SLC25A21: variants seen among roughly 807,000 people sequenced by gnomAD.
SLC25A21 encodes solute carrier family 25 member 21.
SLC25A21 carries 47 observed loss-of-function variants against 43.8 expected under a neutral mutation model. The observed-to-expected ratio is 1.07, with a 90% CI of 0.85 to 1.37. The LOEUF is 1.37. Among genes scored for constraint, SLC25A21 ranks in the 40% most tolerant of loss-of-function variants. SLC25A21 has a pLI of 0.00. For missense variants in SLC25A21, 352 were observed against 350.2 expected, an observed-to-expected ratio of 1.00 and a Z score of -0.04; for synonymous variants, 131 against 121.3, an observed-to-expected ratio of 1.08 and a Z score of -0.52.
intron 3 of SLC25A21, among the ~76,000 whole-genome samples, chr14:36,762,779 T>C (rs1370456314): frequency 6.6e-6 from 1 of 152,154 alleles, no homozygotes; most frequent in Non-Finnish European, 1.5e-5. Context: ...AGGGATTCAT[T>C]GAAGGAATGT....
In SLC25A21 at chr14:36,944,935, C is replaced by G. The variant is rs527860963; in HGVS notation, c.71-69931G>C. Among the ~76,000 whole-genome samples, 66 of 152,200 alleles carry G rather than the reference C, an allele frequency of 4.3e-4. 1 individual carries two copies. The highest frequency in any genetic ancestry group is 1.5e-3 in the African/African-American group (61 of 41,552). On this transcript the variant is annotated intron_variant, in intron 1 of 9. Transcript: ENST00000331299. ...ATATGATGGTTTATCATCATTTTGA[C>G]CTTTTCATAACACTGCTGGTACAGT...
intron 2 of SLC25A21, among the ~76,000 whole-genome samples, chr14:36,844,667 G>A (rs914084050): frequency 6.6e-6 from 1 of 152,150 alleles, no homozygotes; most frequent in Non-Finnish European, 1.5e-5. Flanking sequence ...ACCTCCAAGT[G>A]AGCTGAGACC....
rs1887571534 is a variant in SLC25A21 at position 36,793,682 on chromosome 14, G to T, written c.203+20236C>A. Among the ~76,000 whole-genome samples the T allele has an allele frequency of 2.0e-5, 3 of 152,148 alleles. No homozygotes were observed. The South Asian group carries it at 6.2e-4, about 32-fold the overall frequency. Reference sequence around the variant, plus strand: ...AAAGTTGATTGTGTACATCCCCAGGGTCAAATTCAATCCTCAAAAATCCAC... The same window carrying T: ...AAAGTTGATTGTGTACATCCCCAGGTTCAAATTCAATCCTCAAAAATCCAC... On this transcript the variant is annotated intron_variant, in intron 3 of 9. Transcript: ENST00000331299.
chr14:37,050,879 A>T (rs1389703078), intron 1 of SLC25A21, among the ~76,000 whole-genome samples: 1 of 152,212 alleles, frequency 6.6e-6, no homozygotes, highest in Admixed American at 6.5e-5. Flanking sequence ...CAACAAAAAA[A>T]AGCAGGTTTT....
Position 36,734,513 on chromosome 14 carries a change from T to G in SLC25A21, c.264A>C (p.Ala88=). 6.2e-7 allele frequency: 1 copy of G among 1,607,092 alleles called. No homozygotes were observed. The highest frequency in any genetic ancestry group is 8.5e-7 in the Non-Finnish European group (1 of 1,176,174). ...GAACGCATGCAATGCTTACCTTCAC[T>G]GCTCTTTTTGGGGTTTCAGCCAAGA... is the stretch of plus-strand genomic sequence containing the variant. The part of the protein sequence containing the change: ...PPILAETPKR[A]VKFFTFEQYK... Residue 88 remains alanine, a synonymous_variant, in exon 4 of 10, where the codon GCA becomes GCC. Coordinates refer to ENST00000331299, the MANE Select transcript of SLC25A21 (RefSeq NM_030631.4).
intron 1 of SLC25A21, among the ~76,000 whole-genome samples, chr14:37,122,297 G>A (rs188383104): frequency 6.6e-6 from 1 of 152,180 alleles, no homozygotes; most frequent in South Asian, 2.1e-4. Context: ...GGATTTTCAT[G>A]TCTAAATTCT....
chr14:36,867,379 TG>T (rs1157493125), intron 2 of SLC25A21, among the ~76,000 whole-genome samples: 1 of 152,194 alleles, frequency 6.6e-6, no homozygotes, highest in Admixed American at 6.6e-5. Flanking sequence ...ATAGAACTAT[TG>T]AGGTAATTAT....
At chr14:36,856,914 C>T (rs2138524773) in intron 2 of SLC25A21, among the ~76,000 whole-genome samples, 1 of 152,292 alleles carries the variant, frequency 6.6e-6, no homozygotes, top group Admixed American at 6.5e-5. Flanking sequence ...ATTTGGGAAC[C>T]TTGTCTGCTG....
At chr14:37,138,406 T>A (rs1963518845) in intron 1 of SLC25A21, among the ~76,000 whole-genome samples, 3 of 152,162 alleles carry the variant, frequency 2.0e-5, no homozygotes, top group Admixed American at 2.0e-4. Context: ...AACAAATAAT[T>A]CTTATTAACT....
chr14:37,040,433 AAGAAAGAAAAG>A (rs1961445251), intron 1 of SLC25A21, among the ~76,000 whole-genome samples: 2 of 104,260 alleles, frequency 1.9e-5, no homozygotes, highest in African/African-American at 1.5e-4. Context: ...GAAAGAAAGA[AAGAAAGAAAAG>A]AAAAATTAGT....
At chr14:36,840,929 T>C (rs1213766473) in intron 2 of SLC25A21, among the ~76,000 whole-genome samples, 1 of 152,234 alleles carries the variant, frequency 6.6e-6, no homozygotes, top group Non-Finnish European at 1.5e-5. Flanking sequence ...CCAAGAACAC[T>C]GCCTACCCAC....
At chr14:36,939,116 T>C (rs1892495167) in intron 1 of SLC25A21, among the ~76,000 whole-genome samples, 1 of 152,148 alleles carries the variant, frequency 6.6e-6, no homozygotes, top group African/African-American at 2.4e-5. Context: ...ATATAACAGC[T>C]TTACTTAAAA....
chr14:36,842,072 C>T (rs201149610), intron 2 of SLC25A21, among the ~76,000 whole-genome samples: 21 of 152,320 alleles, frequency 1.4e-4, no homozygotes, highest in Middle Eastern at 6.8e-3. Context: ...TAACTGTAAG[C>T]TCACAGTGGA....
intron 1 of SLC25A21, among the ~76,000 whole-genome samples, chr14:36,926,173 A>G (rs1892126873): frequency 6.6e-6 from 1 of 152,236 alleles, no homozygotes; most frequent in Non-Finnish European, 1.5e-5. Flanking sequence ...TCTGACCGTA[A>G]CAGAATTAAA....
intron 3 of SLC25A21, among the ~76,000 whole-genome samples, chr14:36,735,113 GGAAGT>G (rs1884979891): frequency 6.6e-6 from 1 of 152,192 alleles, no homozygotes; most frequent in African/African-American, 2.4e-5. Context: ...CTTCCTTGAT[GGAAGT>G]GGAAGAAGGT....
intron 2 of SLC25A21, among the ~76,000 whole-genome samples, chr14:36,835,003 A>G (rs889093740): frequency 6.6e-6 from 1 of 152,226 alleles, no homozygotes; most frequent in African/African-American, 2.4e-5. Flanking sequence ...AGATTTGTCC[A>G]GTTTTCTAAA....
intron 1 of SLC25A21, among the ~76,000 whole-genome samples, chr14:37,018,374 CAGATCTGTTAATT>C (rs1960908995): frequency 6.6e-6 from 1 of 152,020 alleles, no homozygotes; most frequent in African/African-American, 2.4e-5. Context: ...CATGAGGTGA[CAGATCTGTTAATT>C]ATCTTGATTA....
chr14:37,071,567 C>A (rs1406730066), intron 1 of SLC25A21, among the ~76,000 whole-genome samples: 1 of 152,120 alleles, frequency 6.6e-6, no homozygotes, highest in Admixed American at 6.5e-5. Flanking sequence ...CATTACAAAT[C>A]AAATCTAGTT....
chr14:36,803,598 T>C (rs1053496765), intron 3 of SLC25A21, among the ~76,000 whole-genome samples: 2 of 152,206 alleles, frequency 1.3e-5, no homozygotes, highest in East Asian at 1.9e-4. Flanking sequence ...TCTAACACTT[T>C]ATCTCATTTT....
Sources: allele counts gnomAD v4.1 joint callset (sites outside exome capture counted in the v4.1 genomes callset), GRCh38; gene constraint gnomAD v4.1.1; transcripts MANE v1.5; gene names NCBI Gene and HGNC (gene_info 2026-07-23, HGNC 2026-07-21).